FRMPD4: variants seen among roughly 807,000 people sequenced by gnomAD.
FRMPD4 encodes FERM and PDZ domain-containing protein 4.
FRMPD4 carries 22 observed loss-of-function variants against 94.1 expected under a neutral mutation model. That is an observed-to-expected ratio of 0.23 (90% CI 0.17 to 0.33). The LOEUF is 0.33. FRMPD4 is among the 10% of genes least tolerant of loss of function. FRMPD4 has a pLI of 1.00. For synonymous variants in FRMPD4, 631 were observed against 548.6 expected (o/e 1.15, Z -2.10); for missense variants, 1,111 against 1,339.9 (o/e 0.83, Z 2.67).
chrX:12,384,153 A>G (rs770440314), intron 1 of FRMPD4, among the ~76,000 whole-genome samples: 2 of 112,293 alleles, frequency 1.8e-5, no homozygotes, highest in East Asian at 5.6e-4. Flanking sequence ...TGTAACACAT[A>G]CAAAGTATAT....
rs1555922423 is a variant in FRMPD4, at chrX:12,099,226, A to AAT, written c.95+221221_95+221222dup. On this transcript the variant is annotated intron_variant, in intron 3 of 18. Coordinates refer to the FRMPD4 transcript ENST00000640291. ...CCTAAAACTTAAAGTATAATAAAAA[A>AAT]ATATATATATATATTTCCAGTTGAC... is the stretch of plus-strand genomic sequence containing the variant. Among the ~76,000 whole-genome samples the AAT allele has an allele frequency of 9.1e-5, 10 of 110,218 alleles. No homozygotes were observed. In the Admixed American group the frequency reaches 9.7e-4, roughly 11 times the overall value.
At chrX:11,990,002 T>C (rs2054455439) in intron 3 of FRMPD4, among the ~76,000 whole-genome samples, 2 of 112,013 alleles carry the variant, frequency 1.8e-5, no homozygotes, top group South Asian at 7.4e-4. Context: ...GAAATATGTA[T>C]ACATACATGT....
In FRMPD4 at chrX:12,716,528, T is replaced by C; in HGVS notation, c.2069T>C (p.Ile690Thr). ...CTGGAGAAGCAGAGAAATCTCTACA[T>C]TGGCAGTGCCAATGACATGAAGGGC... is the stretch of plus-strand genomic sequence containing the variant. ...EMLEKQRNLY[I>T]GSANDMKGLD... Residue 690 changes from isoleucine to threonine, a missense_variant, in exon 15 of 17, where the codon ATT becomes ACT. Ile to Thr is a moderately conservative substitution (Grantham distance 89). Transcript: ENST00000675598. The C allele has an allele frequency of 1.7e-6, 2 of 1,208,948 alleles. No individual in the cohort carries two copies. Among genetic ancestry groups the C allele is most frequent in the South Asian group, 1.8e-5 (1 of 56,870 alleles).
chrX:11,859,497 A>C (rs1856405732), intron 1 of FRMPD4, among the ~76,000 whole-genome samples: 1 of 112,080 alleles, frequency 8.9e-6, no homozygotes, highest in African/African-American at 3.2e-5. Context: ...GAACAATAGA[A>C]TTGCTTCATT....
At chrX:12,532,339 G>A (rs1274594099) in intron 2 of FRMPD4, among the ~76,000 whole-genome samples, 2 of 111,794 alleles carry the variant, frequency 1.8e-5, no homozygotes, top group Non-Finnish European at 3.8e-5. Flanking sequence ...TAAACTAGAA[G>A]AGAGGTTCCT....
intron 1 of FRMPD4, among the ~76,000 whole-genome samples, chrX:12,427,606 G>A (rs900974089): frequency 9.0e-6 from 1 of 111,709 alleles, no homozygotes; most frequent in African/African-American, 3.3e-5. Flanking sequence ...GGAACAAGAT[G>A]CTATTTAATT....
At chrX:12,450,863 C>CAAAA (rs5901475) in intron 1 of FRMPD4, among the ~76,000 whole-genome samples, 15,542 of 49,006 alleles carry the variant, frequency 0.32, 2,464 homozygotes, top group East Asian at 0.48. Flanking sequence ...TCTATTTATC[C>CAAAA]AAAAAAAAAA....
intron 1 of FRMPD4, among the ~76,000 whole-genome samples, chrX:12,240,729 T>C (rs1818653721): frequency 8.9e-6 from 1 of 111,912 alleles, no homozygotes; most frequent in African/African-American, 3.2e-5. Flanking sequence ...AATAATTGAG[T>C]TGGGTTTGCC....
chrX:12,112,433 G>T (rs770078940), intron 3 of FRMPD4, among the ~76,000 whole-genome samples: 32 of 110,630 alleles, frequency 2.9e-4, no homozygotes, highest in Non-Finnish European at 9.5e-5. Flanking sequence ...GGGAGGTAGG[G>T]GGAGGGATAA....
chrX:12,098,493 G>A (rs1165727576), intron 3 of FRMPD4, among the ~76,000 whole-genome samples: 1 of 112,342 alleles, frequency 8.9e-6, no homozygotes. Context: ...TAAAGCAGAA[G>A]AAGTATGTTC....
chrX:12,266,863 G>A lies in FRMPD4; in HGVS notation c.41+127851G>A, dbSNP rs962014006. Among the ~76,000 whole-genome samples the A allele has an allele frequency of 2.7e-5, 3 of 111,825 alleles. No homozygotes were observed. In the Admixed American group the frequency reaches 2.8e-4, roughly 11 times the overall value. On this transcript the variant is annotated intron_variant, in intron 1 of 16. Coordinates refer to ENST00000675598, the MANE Select transcript of FRMPD4 (RefSeq NM_001368397.1). ...TTAGATGTGGTTACAGATGCTCCTC[G>A]AGTTATGATGGGATTACCTTCCAAT...
upstream of FRMPD4, among the ~76,000 whole-genome samples, chrX:12,133,988 C>T (rs857346): frequency 0.061 from 6,850 of 112,096 alleles, 203 homozygotes; most frequent in Non-Finnish European, 0.086. Flanking sequence ...CTTCATTTAA[C>T]GCGTTACTCT....
chrX:12,090,916 A>G (rs1320850798), intron 3 of FRMPD4, among the ~76,000 whole-genome samples: 1 of 112,463 alleles, frequency 8.9e-6, no homozygotes, highest in Non-Finnish European at 1.9e-5. Flanking sequence ...TAGTTTATTA[A>G]GCATGAAAGA....
chrX:12,652,416 A>T (rs2059604118), intron 4 of FRMPD4, among the ~76,000 whole-genome samples: 1 of 112,139 alleles, frequency 8.9e-6, no homozygotes, highest in South Asian at 3.7e-4. Flanking sequence ...TGTATAATTC[A>T]GTGCCACTAA....
intron 1 of FRMPD4, among the ~76,000 whole-genome samples, chrX:12,165,942 G>C (rs1207145742): frequency 3.6e-5 from 4 of 111,623 alleles, no homozygotes; most frequent in African/African-American, 1.3e-4. Context: ...AGCTTAAGGA[G>C]ATTTTGGGCT....
intron 9 of FRMPD4, among the ~76,000 whole-genome samples, chrX:12,697,976 C>T (rs1240979893): frequency 1.8e-5 from 2 of 112,044 alleles, no homozygotes; most frequent in African/African-American, 6.5e-5. Context: ...TCACAGAATG[C>T]GTGCTACCAT....
At chrX:11,984,575 A>G (rs1215524806) in intron 3 of FRMPD4, among the ~76,000 whole-genome samples, 2 of 112,531 alleles carry the variant, frequency 1.8e-5, no homozygotes, top group Non-Finnish European at 3.8e-5. Flanking sequence ...TTTTTCAGCC[A>G]GAATTGTGTA....
At chrX:12,122,785 G>A (rs1361795064) in intron 3 of FRMPD4, among the ~76,000 whole-genome samples, 1 of 111,409 alleles carries the variant, frequency 9.0e-6, no homozygotes, top group African/African-American at 3.3e-5. Context: ...TGGGCCTACA[G>A]TTAAGTATCA....
intron 1 of FRMPD4, among the ~76,000 whole-genome samples, chrX:12,478,603 A>T (rs1434548613): frequency 9.0e-6 from 1 of 111,444 alleles, no homozygotes; most frequent in African/African-American, 3.3e-5. Context: ...AAACCCGAGT[A>T]AAGTATGTAT....
Sources: allele counts gnomAD v4.1 joint callset (sites outside exome capture counted in the v4.1 genomes callset), GRCh38; gene constraint gnomAD v4.1.1; transcripts MANE v1.5; gene names NCBI Gene and HGNC (gene_info 2026-07-23, HGNC 2026-07-21).